The following STRBP variants were observed in gnomAD, a reference collection of about 807,000 sequenced individuals.
STRBP encodes the protein spermatid perinuclear RNA binding protein.
STRBP carries 13 observed loss-of-function variants against 80.1 expected under a neutral mutation model. The ratio of observed to expected loss-of-function variants is 0.16; its 90% CI spans 0.11 to 0.26. The LOEUF (loss-of-function observed/expected upper bound fraction) is 0.26. Ranked by LOEUF, STRBP falls within the 10% of genes least tolerant of loss-of-function variation. The pLI is 1.00. For synonymous variants in STRBP, 284 were observed against 291.2 expected (o/e 0.98, Z 0.25); for missense variants, 485 against 815.2 (o/e 0.59, Z 4.93).
chr9:123,244,589 C>A (rs1002169255), intron 1 of STRBP, among the ~76,000 whole-genome samples: 1 of 152,184 alleles, frequency 6.6e-6, no homozygotes. Flanking sequence ...ATCTGCCCAA[C>A]TTTCTGTAAA....
chr9:123,168,738 G>C (rs1324394203), intron 6 of STRBP, among the ~76,000 whole-genome samples: 1 of 152,156 alleles, frequency 6.6e-6, no homozygotes, highest in Non-Finnish European at 1.5e-5. Context: ...AGAGTAGCCA[G>C]CTGGTCAAAG....
intron 5 of STRBP, among the ~76,000 whole-genome samples, chr9:123,171,025 G>C (rs1343404820): frequency 6.6e-6 from 1 of 151,900 alleles, no homozygotes; most frequent in East Asian, 1.9e-4. Context: ...TCCTACTTTT[G>C]AATAGAGGAA....
In STRBP at chr9:123,147,775, C is replaced by T. The variant is rs534788541; in HGVS notation, c.1138+3G>A. Reference sequence around the variant, plus strand: ...CATCTATAAGAATAAAGGTTTTACACACTTTTCCTTAAGTTTCGTTTCATC... The same window carrying T: ...CATCTATAAGAATAAAGGTTTTACATACTTTTCCTTAAGTTTCGTTTCATC... On this transcript the variant is annotated splice_donor_region_variant and intron_variant, in intron 12 of 18. Transcript: ENST00000348403. 6 of 1,593,560 alleles carry T rather than the reference C, an allele frequency of 3.8e-6. No individual in the cohort carries two copies. The highest frequency in any genetic ancestry group is 2.3e-5 in the East Asian group (1 of 43,770).
intron 1 of STRBP, among the ~76,000 whole-genome samples, chr9:123,254,982 T>G (rs1397548213): frequency 6.6e-6 from 1 of 152,174 alleles, no homozygotes; most frequent in Non-Finnish European, 1.5e-5. Context: ...TTTCAACTAT[T>G]AAAAAATGCA....
intron 2 of STRBP, among the ~76,000 whole-genome samples, chr9:123,216,538 T>C (rs531140780): frequency 6.6e-6 from 1 of 152,214 alleles, no homozygotes; most frequent in Non-Finnish European, 1.5e-5. Context: ...TGCAAATATA[T>C]GTCGTGACCA....
chr9:123,241,383 C>A (rs1393046925), intron 1 of STRBP, among the ~76,000 whole-genome samples: 1 of 151,894 alleles, frequency 6.6e-6, no homozygotes, highest in Admixed American at 6.6e-5. Context: ...GGTGCGCACG[C>A]CTACGATCCC....
At chr9:123,194,021 G>C (rs2132491470) in intron 2 of STRBP, among the ~76,000 whole-genome samples, 1 of 152,266 alleles carries the variant, frequency 6.6e-6, no homozygotes, top group Admixed American at 6.5e-5. Context: ...TGACTAGGTA[G>C]GTAATCCTGG....
chr9:123,165,009 A>C (rs1256263694), intron 6 of STRBP, among the ~76,000 whole-genome samples: 1 of 151,894 alleles, frequency 6.6e-6, no homozygotes, highest in Non-Finnish European at 1.5e-5. Flanking sequence ...TTGACCGGGC[A>C]CGGTGGCTCA....
chr9:123,200,513 A>G (rs1175205157), intron 2 of STRBP, among the ~76,000 whole-genome samples: 1 of 151,404 alleles, frequency 6.6e-6, no homozygotes, highest in Non-Finnish European at 1.5e-5. Flanking sequence ...AATGTCTGGT[A>G]GAATTCAGCT....
chr9:123,169,313 C>T (rs1490424093), intron 6 of STRBP, among the ~76,000 whole-genome samples: 2 of 151,770 alleles, frequency 1.3e-5, no homozygotes, highest in Non-Finnish European at 2.9e-5. Flanking sequence ...GGATTACAGG[C>T]GCCCACCACC....
intron 5 of STRBP, among the ~76,000 whole-genome samples, chr9:123,173,091 T>C (rs1436808127): frequency 1.3e-5 from 2 of 152,120 alleles, no homozygotes; most frequent in African/African-American, 4.8e-5. Flanking sequence ...CCCAGAATGG[T>C]TACCTTCATC....
chr9:123,145,982 C>A (rs926749066), intron 13 of STRBP, among the ~76,000 whole-genome samples: 2 of 151,752 alleles, frequency 1.3e-5, no homozygotes, highest in Admixed American at 6.6e-5. Flanking sequence ...AATGTAAGCT[C>A]CATGAGAGCA....
chr9:123,235,825 G>A (rs1039899106), intron 2 of STRBP, among the ~76,000 whole-genome samples: 11 of 152,016 alleles, frequency 7.2e-5, no homozygotes, highest in East Asian at 3.8e-4. Context: ...GGAATAGAGC[G>A]CTCAGCAAAA....
chr9:123,162,362 C>T (rs1186370173), intron 6 of STRBP, among the ~76,000 whole-genome samples: 2 of 151,964 alleles, frequency 1.3e-5, no homozygotes, highest in Non-Finnish European at 2.9e-5. Context: ...GTAGCTGGGA[C>T]TACAGGCATG....
chr9:123,160,588 T>C (rs2037482437), intron 7 of STRBP, 126 bp from the exon 8 acceptor site: 2 of 534,634 alleles, frequency 3.7e-6, no homozygotes, highest in South Asian at 1.1e-4. Context: ...AAAAATCAAT[T>C]AATCACAAGT....
At chr9:123,202,107 C>T (rs770095821) in intron 2 of STRBP, among the ~76,000 whole-genome samples, 1 of 152,130 alleles carries the variant, frequency 6.6e-6, no homozygotes, top group Admixed American at 6.5e-5. Flanking sequence ...TCTGAGTTTA[C>T]AGGACTCCTT....
intron 2 of STRBP, among the ~76,000 whole-genome samples, chr9:123,192,245 T>G (rs1280008278): frequency 6.6e-6 from 1 of 152,022 alleles, no homozygotes; most frequent in Non-Finnish European, 1.5e-5. Context: ...GGATATAAAT[T>G]TGGGAGTTTT....
intron 16 of STRBP, 122 bp from the exon 17 acceptor site, chr9:123,133,090 C>G: frequency 1.6e-6 from 2 of 1,221,416 alleles, no homozygotes; most frequent in Non-Finnish European, 2.2e-6. Context: ...CATGAGCTGT[C>G]TGTGATCTTG....
At chr9:123,262,005 C>T (rs1016046535) in intron 1 of STRBP, among the ~76,000 whole-genome samples, 2 of 152,320 alleles carry the variant, frequency 1.3e-5, no homozygotes, top group Admixed American at 6.5e-5. Flanking sequence ...CTTTTACAAA[C>T]CAACCACTTA....
Sources: gnomAD v4.1 joint callset for allele counts (sites outside exome capture counted in the v4.1 genomes callset) on GRCh38, gnomAD v4.1.1 for gene constraint, MANE v1.5 for transcripts, NCBI Gene and HGNC (gene_info 2026-07-23, HGNC 2026-07-21) for gene names.